TANC2: variants seen among roughly 807,000 people sequenced by gnomAD.
TANC2 encodes tetratricopeptide repeat, ankyrin repeat and coiled-coil containing 2.
In TANC2, 26 loss-of-function variants were observed where a neutral mutation model predicts 210.5. The ratio of observed to expected loss-of-function variants is 0.12; its 90% CI spans 0.09 to 0.17. TANC2 has a LOEUF of 0.17. Ranked by LOEUF, TANC2 falls within the 10% of genes least tolerant of loss-of-function variation. TANC2 has a pLI of 1.00. For missense variants in TANC2, 2,129 were observed against 2,608.9 expected (o/e 0.82, Z 4.01); for synonymous variants, 931 against 967.1 (o/e 0.96, Z 0.69).
Position 63,262,804 on chromosome 17 carries a change from A to G in TANC2, c.1034-4944A>G, listed in dbSNP as rs979291145. ...CCCCCAAAAAAGAAAGAAAGAATTC[A>G]TGGAAACATTAGAACAGCAATAGGG... On this transcript the variant is annotated intron_variant, in intron 8 of 27. Coordinates refer to ENST00000689528, the Ensembl canonical transcript of TANC2. Among the ~76,000 whole-genome samples the G allele has an allele frequency of 3.9e-5, 6 of 152,336 alleles. No homozygotes were observed. In the East Asian group the frequency reaches 1.2e-3, roughly 29 times the overall value.
intron 2 of TANC2, among the ~76,000 whole-genome samples, chr17:63,023,303 T>C (rs1275121731): frequency 1.3e-5 from 2 of 152,178 alleles, no homozygotes; most frequent in Non-Finnish European, 2.9e-5. Flanking sequence ...CAACAGGGGG[T>C]ATTACCTAGA....
intron 9 of TANC2, among the ~76,000 whole-genome samples, chr17:63,309,994 T>C (rs768803640): frequency 2.2e-4 from 33 of 152,060 alleles, no homozygotes; most frequent in Non-Finnish European, 4.1e-4. Flanking sequence ...AGATCCCTAC[T>C]CTATACCAGA....
At chr17:63,378,543 G>A (rs1199574525) in intron 14 of TANC2, among the ~76,000 whole-genome samples, 1 of 152,138 alleles carries the variant, frequency 6.6e-6, no homozygotes, top group Non-Finnish European at 1.5e-5. Flanking sequence ...TGTTGACTTT[G>A]TCCTCAAGCC....
chr17:63,380,302 C>T (rs1052712516), intron 15 of TANC2, among the ~76,000 whole-genome samples: 9 of 152,204 alleles, frequency 5.9e-5, no homozygotes, highest in African/African-American at 2.2e-4. Context: ...CAAATTATAT[C>T]CCAGTTTTTC....
Position 63,387,085 on chromosome 17 carries a change from A to G in TANC2, c.2692-1550A>G, listed in dbSNP as rs984553697. Among the ~76,000 whole-genome samples, 3 of 152,238 alleles carry G rather than the reference A, an allele frequency of 2.0e-5. No individual in the cohort carries two copies. In the East Asian group the frequency reaches 5.8e-4, roughly 29 times the overall value. On this transcript the variant is annotated intron_variant, in intron 15 of 27. Transcript: ENST00000689528. ...CCCTGGTCTCAAGCTCCTGGGCCCA[A>G]GCAATCCTCCCACCACCACCTCCCA... is the stretch of plus-strand genomic sequence containing the variant.
intron 3 of TANC2, among the ~76,000 whole-genome samples, chr17:63,084,927 G>C (rs560695310): frequency 1.3e-5 from 2 of 152,062 alleles, no homozygotes; most frequent in Non-Finnish European, 2.9e-5. Context: ...TTCCATGTGC[G>C]CTTGAAAAGA....
rs556058446 is a variant in TANC2 at position 63,156,441 on chromosome 17, A to G, written c.433+5061A>G. ...AATGGAAAAAAAAAAAGCACCTGTT[A>G]ATTATTAGAACAACAAGAACAAAAA... is the stretch of plus-strand genomic sequence containing the variant. On this transcript the variant is annotated intron_variant, in intron 5 of 27. Coordinates refer to ENST00000689528, the Ensembl canonical transcript of TANC2. Among the ~76,000 whole-genome samples the G allele has an allele frequency of 1.3e-3, 200 of 151,736 alleles. 2 individuals are homozygous for G. The highest frequency in any genetic ancestry group is 4.5e-3 in the African/African-American group (187 of 41,464).
rs181057566 is a variant in TANC2, at chr17:63,186,600, C to G, written c.434-7391C>G. ...ACTCCTGACCTCAGGTGATCCACCCCCCGCTTCAGCCTCCCAAAGTGCTGG... is the reference window on the plus strand; with the variant it reads ...ACTCCTGACCTCAGGTGATCCACCCGCCGCTTCAGCCTCCCAAAGTGCTGG... On this transcript the variant is annotated intron_variant, in intron 5 of 27. Transcript: ENST00000689528. 7.3e-3 allele frequency among the ~76,000 whole-genome samples: 1,115 copies of G among 152,072 alleles called. 16 individuals are homozygous for G. Among genetic ancestry groups the G allele is most frequent in the African/African-American group, 0.026 (1,071 of 41,488 alleles).
intron 9 of TANC2, among the ~76,000 whole-genome samples, chr17:63,293,806 C>G: frequency 7.1e-6 from 1 of 141,314 alleles, no homozygotes; most frequent in East Asian, 2.5e-4. Flanking sequence ...GTACCATAAT[C>G]ACAGCTCACT....
At chr17:63,012,281 A>G (rs563466347) in intron 2 of TANC2, among the ~76,000 whole-genome samples, 26 of 152,098 alleles carry the variant, frequency 1.7e-4, no homozygotes, top group Non-Finnish European at 3.1e-4. Flanking sequence ...TTGGCCTTCC[A>G]AAGTATTGGG....
At position 63,361,495 on chromosome 17, in the gene TANC2, G is replaced by A. The variant is rs143646064; in HGVS notation, c.2582+6105G>A. Among the ~76,000 whole-genome samples, 16 of 152,338 alleles carry A rather than the reference G, an allele frequency of 1.1e-4. No individual in the cohort carries two copies. In the East Asian group the frequency reaches 2.1e-3, roughly 20 times the overall value. On this transcript the variant is annotated intron_variant, in intron 14 of 27. Coordinates refer to ENST00000689528, the Ensembl canonical transcript of TANC2. The stretch of plus-strand genomic sequence containing the variant: ...AGGTGCCAGCTGCATGTGAGGCTGC[G>A]GTTGTACCAAACATATTGCACGCAG...
At chr17:63,023,314 G>A (rs975722339) in intron 2 of TANC2, among the ~76,000 whole-genome samples, 1 of 152,228 alleles carries the variant, frequency 6.6e-6, no homozygotes, top group African/African-American at 2.4e-5. Flanking sequence ...ATTACCTAGA[G>A]TGTCCAGGTG....
intron 14 of TANC2, among the ~76,000 whole-genome samples, chr17:63,358,107 G>A (rs1374187160): frequency 6.6e-6 from 1 of 152,212 alleles, no homozygotes; most frequent in African/African-American, 2.4e-5. Context: ...GGCTACCCAA[G>A]GAGGTTGCTT....
intron 18 of TANC2, among the ~76,000 whole-genome samples, chr17:63,397,690 A>G (rs2048213097): frequency 1.3e-5 from 2 of 152,216 alleles, no homozygotes; most frequent in East Asian, 1.9e-4. Context: ...GCATGTTGTG[A>G]TGTAATATTC....
At chr17:63,079,099 T>C (rs1413727875) in intron 3 of TANC2, among the ~76,000 whole-genome samples, 1 of 152,182 alleles carries the variant, frequency 6.6e-6, no homozygotes, top group Non-Finnish European at 1.5e-5. Flanking sequence ...ATGTGTCTCT[T>C]CAGCTATAGC....
intron 11 of TANC2, among the ~76,000 whole-genome samples, chr17:63,319,991 T>C (rs1021610614): frequency 6.6e-6 from 1 of 152,188 alleles, no homozygotes; most frequent in Non-Finnish European, 1.5e-5. Flanking sequence ...TTGCTTCTTA[T>C]TATGGATGAT....
chr17:63,288,479 G>T (rs1225154727), intron 9 of TANC2, among the ~76,000 whole-genome samples: 1 of 152,210 alleles, frequency 6.6e-6, no homozygotes, highest in Non-Finnish European at 1.5e-5. Flanking sequence ...AACTTGAAAA[G>T]AATGTGCATT....
At chr17:63,325,978 G>A (rs1057285785) in intron 11 of TANC2, among the ~76,000 whole-genome samples, 11 of 152,080 alleles carry the variant, frequency 7.2e-5, no homozygotes, top group Admixed American at 1.3e-4. Context: ...ATTTGTTATC[G>A]GCCCTAACCT....
At chr17:63,402,320 G>C (rs1028352467) in intron 19 of TANC2, among the ~76,000 whole-genome samples, 2 of 152,078 alleles carry the variant, frequency 1.3e-5, no homozygotes, top group African/African-American at 4.8e-5. Context: ...CTCATACCAA[G>C]GACATATCTC....
Sources: allele counts gnomAD v4.1 joint callset (sites outside exome capture counted in the v4.1 genomes callset), GRCh38; gene constraint gnomAD v4.1.1; transcripts MANE v1.5; gene names NCBI Gene and HGNC (gene_info 2026-07-23, HGNC 2026-07-21).